Variants in PRR16 observed in about 807,000 individuals in gnomAD.
PRR16 encodes the protein proline rich 16, also known as protein Largen.
A neutral mutation model predicts 18.2 loss-of-function variants in PRR16; 6 were observed. That is an observed-to-expected ratio of 0.33 (90% CI 0.18 to 0.65). PRR16 has a LOEUF of 0.65. PRR16 is among the 30% of genes least tolerant of loss of function. The probability of loss-of-function intolerance (pLI) is 0.74; values close to 1 mark genes in which losing one functional copy is unlikely to be tolerated. For missense variants in PRR16, 412 were observed against 376.6 expected (o/e 1.09, Z -0.78); for synonymous variants, 151 against 147.8 (o/e 1.02, Z -0.16).
At chr5:120,695,571 A>G in the PRR16 span, among the ~76,000 whole-genome samples, 2 of 152,230 alleles carry the variant, frequency 1.3e-5, no homozygotes, top group Middle Eastern at 3.4e-3. Context: ...TTTCTACTCC[A>G]TCCTGCCAAT....
intron 1 of PRR16, among the ~76,000 whole-genome samples, chr5:120,633,281 C>A (rs1164104447): frequency 6.6e-6 from 1 of 152,142 alleles, no homozygotes; most frequent in African/African-American, 2.4e-5. Context: ...GCATAAATCT[C>A]ACAGGACCTA....
chr5:120,665,013 A>G (rs1021731865), intron 1 of PRR16, among the ~76,000 whole-genome samples: 13 of 151,206 alleles, frequency 8.6e-5, no homozygotes, highest in African/African-American at 3.2e-4. Context: ...CTAGTTCTAG[A>G]TCCCTGAGGA....
intron 1 of PRR16, among the ~76,000 whole-genome samples, chr5:120,476,422 C>A (rs570881640): frequency 1.9e-4 from 29 of 152,256 alleles, no homozygotes; most frequent in African/African-American, 6.7e-4. Context: ...TTGCTTATGT[C>A]ACTTCACAGT....
the PRR16 span, among the ~76,000 whole-genome samples, chr5:120,706,667 A>G: frequency 0.011 from 1,600 of 152,360 alleles, 38 homozygotes; most frequent in African/African-American, 0.035. Context: ...AGTATTTTAC[A>G]TATGCTACTT....
At chr5:120,626,889 C>T (rs1754885723) in intron 1 of PRR16, among the ~76,000 whole-genome samples, 2 of 152,030 alleles carry the variant, frequency 1.3e-5, no homozygotes, top group South Asian at 4.1e-4. Flanking sequence ...ATATGATAAA[C>T]TGAATGTCTC....
the PRR16 span, among the ~76,000 whole-genome samples, chr5:120,751,050 G>A: frequency 2.0e-5 from 3 of 152,026 alleles, no homozygotes; most frequent in Non-Finnish European, 4.4e-5. Flanking sequence ...TTGTCTTTCT[G>A]TGACTTGCTT....
At chr5:120,653,970 T>C (rs962595462) in intron 1 of PRR16, among the ~76,000 whole-genome samples, 2 of 152,056 alleles carry the variant, frequency 1.3e-5, no homozygotes, top group Non-Finnish European at 2.9e-5. Context: ...TTACTGATTC[T>C]TCTTCAATAA....
the PRR16 span, chr5:120,790,351 A>T: frequency 3.3e-5 from 5 of 152,194 alleles, no homozygotes; most frequent in African/African-American, 1.2e-4. Flanking sequence ...AATTAATATT[A>T]AGCAATTAAA....
intron 1 of PRR16, among the ~76,000 whole-genome samples, chr5:120,670,058 G>A (rs1352053016): frequency 6.6e-6 from 1 of 152,030 alleles, no homozygotes; most frequent in East Asian, 1.9e-4. Flanking sequence ...ATGCACTGTA[G>A]GTGATGTAGG....
the PRR16 span, among the ~76,000 whole-genome samples, chr5:120,754,413 C>CTATATATTATATAATATATAGTATATAT: frequency 4.1e-5 from 1 of 24,194 alleles, no homozygotes; most frequent in African/African-American, 2.1e-4. Flanking sequence ...ATACTATATA[C>CTATATATTATATAATATATAGTATATAT]TATATATTAT....
chr5:120,545,221 C>A (rs531104894), intron 1 of PRR16, among the ~76,000 whole-genome samples: 1 of 151,998 alleles, frequency 6.6e-6, no homozygotes. Context: ...CATAAGCATC[C>A]TTGTCTCTTC....
chr5:120,782,803 A>G, the PRR16 span, among the ~76,000 whole-genome samples: 1 of 152,132 alleles, frequency 6.6e-6, no homozygotes, highest in Non-Finnish European at 1.5e-5. Flanking sequence ...ATTTGGAACT[A>G]ATGTTAATGT....
At chr5:120,625,042 C>T (rs1383619895) in intron 1 of PRR16, among the ~76,000 whole-genome samples, 2 of 152,146 alleles carry the variant, frequency 1.3e-5, no homozygotes, top group African/African-American at 4.8e-5. Flanking sequence ...AACCTCTTTC[C>T]ATTATAAATT....
chr5:120,616,851 A>G (rs1754526647), intron 1 of PRR16, among the ~76,000 whole-genome samples: 2 of 152,182 alleles, frequency 1.3e-5, no homozygotes, highest in South Asian at 2.1e-4. Context: ...TGACTGATCA[A>G]TACTCATACT....
the PRR16 span, among the ~76,000 whole-genome samples, chr5:120,754,166 A>AT: frequency 0.047 from 4,627 of 98,688 alleles, 445 homozygotes; most frequent in African/African-American, 0.17. Flanking sequence ...ATGATATATA[A>AT]ATATAAATAT....
the PRR16 span, chr5:120,781,475 A>G: frequency 2.0e-5 from 3 of 152,212 alleles, no homozygotes; most frequent in Non-Finnish European, 4.4e-5. Context: ...AAGTCTGTTC[A>G]GATTCTTCTC....
the PRR16 span, among the ~76,000 whole-genome samples, chr5:120,701,516 G>T: frequency 2.0e-5 from 3 of 152,178 alleles, no homozygotes; most frequent in Non-Finnish European, 2.9e-5. Context: ...TGGGCAGGAG[G>T]GGGAGGGCTA....
chr5:120,583,262 C>T (rs11952699), intron 1 of PRR16, among the ~76,000 whole-genome samples: 120 of 152,192 alleles, frequency 7.9e-4, no homozygotes, highest in African/African-American at 2.6e-3. Flanking sequence ...ATAGATTTCA[C>T]ATTTCACTGG....
At chr5:120,617,221 A>G (rs1754541604) in intron 1 of PRR16, 1 of 961,994 alleles carries the variant, frequency 1.0e-6, no homozygotes, top group East Asian at 1.1e-4. Flanking sequence ...TGATGTTTGC[A>G]GGAATTTGGA....
Sources: allele counts gnomAD v4.1 joint callset (sites outside exome capture counted in the v4.1 genomes callset), GRCh38; gene constraint gnomAD v4.1.1; transcripts MANE v1.5; gene names NCBI Gene and HGNC (gene_info 2026-07-23, HGNC 2026-07-21).